Variants in ADD1 observed in about 807,000 individuals in gnomAD.
The protein encoded by ADD1 is adducin 1, also known as alpha-adducin.
In ADD1, 24 loss-of-function variants were observed where a neutral mutation model predicts 80.5. That is an observed-to-expected ratio of 0.30 (90% confidence interval 0.22 to 0.42). The LOEUF is 0.42. Among genes scored for constraint, ADD1 ranks in the 10% least tolerant of loss-of-function variants. The probability of loss-of-function intolerance (pLI) is 1.00; values close to 1 mark genes in which losing one functional copy is unlikely to be tolerated. For synonymous variants in ADD1, 373 were observed against 393.8 expected, an observed-to-expected ratio of 0.95 and a Z score of 0.63; for missense variants, 948 against 1,019.0, an observed-to-expected ratio of 0.93 and a Z score of 0.95.
chr4:2,912,417 G>A (rs1369293082), intron 13 of ADD1, among the ~76,000 whole-genome samples: 9 of 152,230 alleles, frequency 5.9e-5, no homozygotes, highest in East Asian at 5.8e-4. Context: ...GACCTGCTGC[G>A]CTGTGCCTCG....
rs373227813 is a variant in ADD1 at position 2,909,760 on chromosome 4, T to G, written c.1791+329T>G. 1.1e-3 allele frequency among the ~76,000 whole-genome samples: 166 copies of G among 152,180 alleles called. 1 individual carries two copies. The highest frequency in any genetic ancestry group is 3.5e-3 in the Admixed American group (54 of 15,290). On this transcript the variant is annotated intron_variant, in intron 13 of 15. Transcript: ENST00000683351. ...TTTCAGAATTTGCCTTTTCCATGACTCTGACTGCAGACAGCCTCTTCTGGG... is the reference window on the plus strand; with the variant it reads ...TTTCAGAATTTGCCTTTTCCATGACGCTGACTGCAGACAGCCTCTTCTGGG...
At chr4:2,887,926 TAGATTCAG>T (rs1359466052) in intron 4 of ADD1, among the ~76,000 whole-genome samples, 1 of 152,334 alleles carries the variant, frequency 6.6e-6, no homozygotes, top group African/African-American at 2.4e-5. Flanking sequence ...CTTTTTGCTT[TAGATTCAG>T]AGAATTGAAT....
Position 2,928,791 on chromosome 4 carries a change from C to A in ADD1, c.*268C>A. The A allele has an allele frequency of 4.3e-6, 2 of 460,036 alleles. No homozygotes were observed. Among genetic ancestry groups the A allele is most frequent in the South Asian group, 5.8e-5 (2 of 34,590 alleles). The allele number at this position is 460,036 out of a possible 1,614,324, so 28.5% of individuals were successfully genotyped here. A position where few individuals can be genotyped will look rare whatever the true frequency, so the allele number is the denominator to read the frequency against. ...CAGGGGGGAGGCACTAAGTCATGGT[C>A]CTGGCTGGAAGGTACTGAAGGCTTC... is the stretch of plus-strand genomic sequence containing the variant. On this transcript the variant is annotated 3_prime_UTR_variant, in exon 16 of 16. Transcript: ENST00000683351.
chr4:2,882,370 C>G (rs551550303), intron 3 of ADD1, among the ~76,000 whole-genome samples: 31 of 152,308 alleles, frequency 2.0e-4, no homozygotes, highest in African/African-American at 7.0e-4. Context: ...AGTAGCACAT[C>G]AGTTTTGCCT....
intron 14 of ADD1, among the ~76,000 whole-genome samples, chr4:2,915,265 G>A (rs1275821489): frequency 6.6e-6 from 1 of 152,232 alleles, no homozygotes; most frequent in African/African-American, 2.4e-5. Flanking sequence ...CAGCACTTTG[G>A]GAGGCCAAGG....
intron 1 of ADD1, among the ~76,000 whole-genome samples, chr4:2,859,227 A>G (rs1308899629): frequency 6.6e-6 from 1 of 152,234 alleles, no homozygotes; most frequent in African/African-American, 2.4e-5. Flanking sequence ...TTCTTGGAAC[A>G]TTTTATTAGA....
At chr4:2,855,754 G>A (rs1447209197) in intron 1 of ADD1, among the ~76,000 whole-genome samples, 1 of 149,906 alleles carries the variant, frequency 6.7e-6, no homozygotes, top group African/African-American at 2.5e-5. Context: ...AGGCTGGAGT[G>A]CAGTGGCGCG....
intron 8 of ADD1, chr4:2,899,046 T>G: frequency 3.5e-6 from 2 of 563,732 alleles, no homozygotes; most frequent in Non-Finnish European, 6.2e-6. Flanking sequence ...TTTTCTCATT[T>G]CTCTGCCAAC....
chr4:2,884,698 T>C, intron 4 of ADD1, 32 bp downstream of exon 4: 3 of 1,544,474 alleles, frequency 1.9e-6, no homozygotes, highest in Non-Finnish European at 2.6e-6. Context: ...AACTGAACGA[T>C]AAATGAAATA....
chr4:2,886,315 G>A (rs979749665), intron 4 of ADD1, among the ~76,000 whole-genome samples: 1 of 152,140 alleles, frequency 6.6e-6, no homozygotes, highest in African/African-American at 2.4e-5. Context: ...TTGAGGTGAC[G>A]GTCTGGAGCT....
At chr4:2,918,579 C>G (rs1739462345) in intron 14 of ADD1, among the ~76,000 whole-genome samples, 1 of 152,144 alleles carries the variant, frequency 6.6e-6, no homozygotes, top group Admixed American at 6.5e-5. Flanking sequence ...AGAGGGCATC[C>G]TTGTCTTGTG....
chr4:2,850,127 G>A (rs1281266983), intron 1 of ADD1, among the ~76,000 whole-genome samples: 7 of 152,150 alleles, frequency 4.6e-5, no homozygotes, highest in Admixed American at 4.6e-4. Flanking sequence ...ATAGTAGTTG[G>A]CAATAGAAAG....
At chr4:2,863,212 A>G (rs897392443) in intron 1 of ADD1, among the ~76,000 whole-genome samples, 30 of 116,652 alleles carry the variant, frequency 2.6e-4, no homozygotes, top group Non-Finnish European at 4.6e-4. Context: ...CGCCCAGCTA[A>G]TTTTTAATTT....
intron 1 of ADD1, among the ~76,000 whole-genome samples, chr4:2,866,766 A>C (rs1729618704): frequency 6.6e-6 from 1 of 152,104 alleles, no homozygotes; most frequent in Non-Finnish European, 1.5e-5. Context: ...CCGGCCATTT[A>C]TTTATTGTGA....
intron 1 of ADD1, among the ~76,000 whole-genome samples, chr4:2,875,323 C>T (rs1337658715): frequency 6.6e-6 from 1 of 152,054 alleles, no homozygotes; most frequent in Non-Finnish European, 1.5e-5. Context: ...ACAAACTGAG[C>T]ATCTTGACCT....
chr4:2,914,853 C>T lies in ADD1; in HGVS notation c.1792-31C>T, dbSNP rs781462086. 4.4e-6 allele frequency: 7 copies of T among 1,574,532 alleles called. No individual in the cohort carries two copies. The African/African-American group carries it at 8.1e-5, about 18-fold the overall frequency. ...GGGAGAGTCCCCATCGGGCCGGGCT[C>T]CTGCAGACCAGATGTGCCTTTCATC... is the stretch of plus-strand genomic sequence containing the variant. On this transcript the variant is annotated intron_variant, in intron 13 of 15. Transcript: ENST00000683351.
chr4:2,924,512 C>T (rs1560261693), intron 14 of ADD1, among the ~76,000 whole-genome samples: 1 of 152,178 alleles, frequency 6.6e-6, no homozygotes, highest in Non-Finnish European at 1.5e-5. Context: ...CTCAGTCCTC[C>T]GGGGTCAGCC....
At chr4:2,924,571 C>T (rs888050307) in intron 14 of ADD1, among the ~76,000 whole-genome samples, 3 of 152,204 alleles carry the variant, frequency 2.0e-5, no homozygotes, top group African/African-American at 7.2e-5. Flanking sequence ...TCTCCTGGGC[C>T]GTCGTCATCC....
chr4:2,896,676 C>T (rs1352819175), intron 6 of ADD1, among the ~76,000 whole-genome samples: 1 of 152,162 alleles, frequency 6.6e-6, no homozygotes, highest in African/African-American at 2.4e-5. Context: ...CATGTCACTC[C>T]AGCCACTAAA....
Sources: gnomAD v4.1 joint callset for allele counts (sites outside exome capture counted in the v4.1 genomes callset) on GRCh38, gnomAD v4.1.1 for gene constraint, MANE v1.5 for transcripts, NCBI Gene and HGNC (gene_info 2026-07-23, HGNC 2026-07-21) for gene names.